PCDHA3: variants seen among roughly 807,000 people sequenced by gnomAD.
The protein encoded by PCDHA3 is protocadherin alpha-3.
Under a neutral mutation model 62.2 loss-of-function variants are expected in PCDHA3, and 41 were observed. The observed-to-expected ratio is 0.66, with a 90% CI of 0.51 to 0.86. The LOEUF (loss-of-function observed/expected upper bound fraction) is 0.86, where lower values mean the gene tolerates loss of function less well. Among genes scored for constraint, PCDHA3 ranks in the 40% least tolerant of loss-of-function variants. PCDHA3 has a pLI of 0.00. For missense variants in PCDHA3, 1,304 were observed against 1,241.2 expected, an observed-to-expected ratio of 1.05 and a Z score of -0.76; for synonymous variants, 640 against 555.4, an observed-to-expected ratio of 1.15 and a Z score of -2.14.
At chr5:140,861,503 C>T in intron 1 of PCDHA3, 3 of 478,536 alleles carry the variant, frequency 6.3e-6, no homozygotes, top group South Asian at 4.8e-5. Flanking sequence ...TGATAGACCT[C>T]GAGGAGCTGT....
chr5:140,969,028 A>G (rs1554231371), intron 1 of PCDHA3: 1 of 1,614,208 alleles, frequency 6.2e-7, no homozygotes, highest in Non-Finnish European at 8.5e-7. Context: ...GGTCCCCTGC[A>G]GAACTGTACA....
intron 1 of PCDHA3, chr5:140,866,572 GTGGT>G (rs1562601054): frequency 6.6e-6 from 1 of 152,168 alleles, no homozygotes; most frequent in African/African-American, 2.4e-5. Context: ...TGTTAATACA[GTGGT>G]TGGATAATGT....
At chr5:140,807,471 T>G (rs1763942238) in intron 1 of PCDHA3, 3 of 1,612,596 alleles carry the variant, frequency 1.9e-6, no homozygotes, top group Non-Finnish European at 2.5e-6. Context: ...CGGGAGGAGC[T>G]GTGCCGGCGG....
intron 1 of PCDHA3, chr5:140,823,709 G>A (rs2150128449): frequency 2.5e-6 from 4 of 1,613,950 alleles, no homozygotes; most frequent in Non-Finnish European, 2.5e-6. Context: ...CCGCGCCACC[G>A]CCTTCTGGTG....
chr5:140,986,173 C>G (rs1459755039), intron 3 of PCDHA3, among the ~76,000 whole-genome samples: 1 of 152,202 alleles, frequency 6.6e-6, no homozygotes, highest in Non-Finnish European at 1.5e-5. Flanking sequence ...GCAGGATAAA[C>G]AAGTCAGGCA....
At chr5:140,870,318 G>T in intron 1 of PCDHA3, 1 of 1,614,178 alleles carries the variant, frequency 6.2e-7, no homozygotes, top group Non-Finnish European at 8.5e-7. Context: ...ATTACTACTC[G>T]TTGGTGCTGG....
chr5:140,927,574 G>T, intron 1 of PCDHA3: 1 of 1,614,168 alleles, frequency 6.2e-7, no homozygotes, highest in Non-Finnish European at 8.5e-7. Flanking sequence ...GGACACAAAT[G>T]ACAACGCGCC....
At chr5:140,850,538 G>A (rs2150488632) in intron 1 of PCDHA3, 3 of 1,598,364 alleles carry the variant, frequency 1.9e-6, no homozygotes, top group Non-Finnish European at 1.7e-6. Context: ...CATCGTCGCG[G>A]GCGTCAGTGG....
In PCDHA3 at chr5:140,857,943, C is replaced by T. The variant is rs782648009; in HGVS notation, c.2394+54352C>T. 3 of 1,597,460 alleles carry T rather than the reference C, an allele frequency of 1.9e-6. 1 individual carries two copies. The highest frequency in any genetic ancestry group is 2.6e-6 in the Non-Finnish European group (3 of 1,167,412). Reference sequence around the variant, plus strand: ...GGGCTGTACACGGGCGAGATCAGTACGACGCGCGCTCTGGATGAGACTGAC... The same window carrying T: ...GGGCTGTACACGGGCGAGATCAGTATGACGCGCGCTCTGGATGAGACTGAC... On this transcript the variant is annotated intron_variant, in intron 1 of 3. Coordinates refer to ENST00000522353, the MANE Select transcript of PCDHA3 (RefSeq NM_018906.3).
intron 1 of PCDHA3, among the ~76,000 whole-genome samples, chr5:140,956,166 C>T (rs180917985): frequency 7.2e-5 from 11 of 152,232 alleles, no homozygotes; most frequent in Non-Finnish European, 1.5e-4. Flanking sequence ...TTGCCATAGC[C>T]AGAACTTCCA....
At chr5:140,857,001 A>T in intron 1 of PCDHA3, 1 of 1,595,350 alleles carries the variant, frequency 6.3e-7, no homozygotes, top group Non-Finnish European at 8.6e-7. Flanking sequence ...TATGAAATTC[A>T]TGTAGATGTT....
rs2150351711 is a variant in PCDHA3 at position 140,843,069 on chromosome 5, G to C, written c.2394+39478G>C. On this transcript the variant is annotated intron_variant, in intron 1 of 3. Coordinates refer to ENST00000522353, the MANE Select transcript of PCDHA3 (RefSeq NM_018906.3). ...GGCGCAGCGAGCAAGCTGGTGCCGC[G>C]GTCTGTGGGCGCGGGCCACGTGGTA... The C allele has an allele frequency of 1.6e-5, 26 of 1,595,200 alleles. 3 individuals carry two copies. Among genetic ancestry groups the C allele is most frequent in the Non-Finnish European group, 2.2e-5 (26 of 1,165,304 alleles).
intron 1 of PCDHA3, among the ~76,000 whole-genome samples, chr5:140,846,376 T>C (rs2150389253): frequency 0.033 from 4,309 of 129,342 alleles, 439 homozygotes; most frequent in African/African-American, 0.12. Flanking sequence ...TTTCTTTCTT[T>C]TTTTTTTTTT....
chr5:140,813,856 A>T (rs1765389446), intron 1 of PCDHA3: 1 of 152,236 alleles, frequency 6.6e-6, no homozygotes, highest in Non-Finnish European at 1.5e-5. Flanking sequence ...AAAATTAGCT[A>T]GGTGTGGTGA....
At chr5:140,849,922 CG>C (rs1376450485) in intron 1 of PCDHA3, 3 of 1,598,214 alleles carry the variant, frequency 1.9e-6, no homozygotes, top group Non-Finnish European at 2.6e-6. Context: ...CACATCTTCA[CG>C]GTGTCTGCGC....
At chr5:140,915,503 G>T (rs1420993234) in intron 1 of PCDHA3, among the ~76,000 whole-genome samples, 1 of 152,062 alleles carries the variant, frequency 6.6e-6, no homozygotes, top group Non-Finnish European at 1.5e-5. Flanking sequence ...TAATACTGTG[G>T]TTTTTGCAGA....
At chr5:140,809,725 C>A in intron 1 of PCDHA3, 3 of 833,130 alleles carry the variant, frequency 3.6e-6, no homozygotes, top group Non-Finnish European at 5.5e-6. Context: ...AATTATAGGA[C>A]ATCAGAGCAA....
At chr5:140,870,885 C>T (rs782085408) in intron 1 of PCDHA3, 13 of 1,613,918 alleles carry the variant, frequency 8.1e-6, no homozygotes, top group African/African-American at 1.3e-5. Flanking sequence ...CGAAGGTGCG[C>T]GCAGTGGATG....
intron 1 of PCDHA3, chr5:140,811,505 A>G (rs1214615927): frequency 6.6e-6 from 1 of 152,172 alleles, no homozygotes; most frequent in African/African-American, 2.4e-5. Context: ...ATGATTTATA[A>G]TCCTTTAGAT....
Sources: gnomAD v4.1 joint callset for allele counts (sites outside exome capture counted in the v4.1 genomes callset) on GRCh38, gnomAD v4.1.1 for gene constraint, MANE v1.5 for transcripts, NCBI Gene and HGNC (gene_info 2026-07-23, HGNC 2026-07-21) for gene names.